The following TASOR2 variants were observed in gnomAD, a reference collection of about 807,000 sequenced individuals.
The protein encoded by TASOR2 is transcription activation suppressor family member 2.
TASOR2 carries 84 observed loss-of-function variants against 199.5 expected under a neutral mutation model. That is an observed-to-expected ratio of 0.42 (90% confidence interval 0.35 to 0.50). The LOEUF (loss-of-function observed/expected upper bound fraction) is 0.50. Ranked by LOEUF, TASOR2 falls within the 20% of genes least tolerant of loss-of-function variation. The pLI, the probability that TASOR2 is intolerant of heterozygous loss-of-function variation, is 0.02. For missense variants in TASOR2, 2,796 were observed against 2,835.9 expected (o/e 0.99, Z 0.32); for synonymous variants, 1,103 against 1,046.6 (o/e 1.05, Z -1.04).
chr10:5,747,749 C>T, exon 15 of TASOR2: 1 of 1,614,136 alleles, frequency 6.2e-7, no homozygotes, highest in East Asian at 2.2e-5. Context: ...CAATGTGAGT[C>T]AGAAGACTTA....
At position 5,730,469 on chromosome 10, in the gene TASOR2, C is replaced by T. The variant is rs45549643; in HGVS notation, c.488-18C>T. On this transcript the variant is annotated intron_variant, in intron 10 of 20. Coordinates refer to ENST00000328090, the Ensembl canonical transcript of TASOR2. This position sits in a 1 kb window ranked among gnomAD's most constrained non-coding sequence, Gnocchi z 4.1. ...AAAAATAAACTTCAGATGTTTAATA[C>T]GTGTGTATATATTCTAGGGGTGAAA... 0.11 allele frequency: 171,545 copies of T among 1,506,358 alleles called. 10,336 individuals are homozygous for T. The highest frequency in any genetic ancestry group is 0.15 in the East Asian group (6,830 of 44,170). The allele number at this position is 1,506,358 out of a possible 1,614,324, so 93.3% of individuals were successfully genotyped here. A position where few individuals can be genotyped will look rare whatever the true frequency, so the allele number is the denominator to read the frequency against.
At chr10:5,713,168 A>G (rs989746217) in intron 2 of TASOR2, among the ~76,000 whole-genome samples, 6 of 152,200 alleles carry the variant, frequency 3.9e-5, no homozygotes, top group Non-Finnish European at 5.9e-5. Flanking sequence ...TTTGGATTAA[A>G]ACAGTTTTCT....
In TASOR2 at chr10:5,685,662, G is replaced by C. The variant is rs892565234; in HGVS notation, c.-288+487G>C. Among the ~76,000 whole-genome samples, 1 of 152,210 alleles carries C rather than the reference G, an allele frequency of 6.6e-6. No homozygotes were observed. Among genetic ancestry groups the C allele is most frequent in the Non-Finnish European group, 1.5e-5 (1 of 68,046 alleles). On this transcript the variant is annotated intron_variant, in intron 1 of 20. Coordinates refer to ENST00000328090, the Ensembl canonical transcript of TASOR2. This position sits in a 1 kb window ranked among gnomAD's most constrained non-coding sequence, Gnocchi z 5.4. Reference sequence around the variant, plus strand: ...AGGGAGGGTCATTTCAGCAGCAAGCGCAAGCCGCGTTGGGATAACTTGGTG... The same window carrying C: ...AGGGAGGGTCATTTCAGCAGCAAGCCCAAGCCGCGTTGGGATAACTTGGTG...
chr10:5,759,038 G>C, intron 18 of TASOR2, 46 bp downstream of exon 19: 1 of 1,346,512 alleles, frequency 7.4e-7, no homozygotes, highest in Non-Finnish European at 1.1e-6. Context: ...TGCTGGGGTA[G>C]CAGAGAAACG....
intron 1 of TASOR2, among the ~76,000 whole-genome samples, chr10:5,708,322 T>C (rs976518911): frequency 1.3e-5 from 2 of 152,228 alleles, no homozygotes; most frequent in African/African-American, 4.8e-5. Context: ...GTTTCCTTTT[T>C]TGGCTTCCTC....
intron 14 of TASOR2, chr10:5,743,923 C>T (rs1407244974): frequency 1.3e-5 from 2 of 152,154 alleles, no homozygotes; most frequent in African/African-American, 2.4e-5. Context: ...ATCGCACTCC[C>T]TCCACCAGTT....
intron 19 of TASOR2, 52 bp from the exon 21 acceptor site, chr10:5,762,479 TA>T (rs1840012735): frequency 6.3e-6 from 3 of 477,988 alleles, no homozygotes; most frequent in Non-Finnish European, 1.0e-5. Flanking sequence ...TCCTGTTATA[TA>T]AAAGTACATT....
intron 11 of TASOR2, among the ~76,000 whole-genome samples, chr10:5,732,963 C>CTA (rs1237445368): frequency 2.0e-5 from 3 of 152,142 alleles, no homozygotes; most frequent in Non-Finnish European, 4.4e-5. Flanking sequence ...GTGCACCAGA[C>CTA]TATACAACTA....
intron 3 of TASOR2, among the ~76,000 whole-genome samples, 196 bp downstream of exon 4, chr10:5,717,946 A>T (rs986884910): frequency 5.9e-5 from 9 of 152,122 alleles, no homozygotes; most frequent in Admixed American, 5.9e-4. Flanking sequence ...CTTTTTTTTA[A>T]CTTCAAAAAT....
In TASOR2 at chr10:5,720,469, G is replaced by A; in HGVS notation, c.-99-75G>A. The stretch of plus-strand genomic sequence containing the variant: ...CTAATGTGTTAAATTTCAGGGCTCG[G>A]TGGGGTTGAGAAAAACTTGGTACAT... On this transcript the variant is annotated intron_variant, in intron 3 of 20. Coordinates refer to ENST00000328090, the Ensembl canonical transcript of TASOR2. The surrounding 1 kb of genome is among the most constrained non-coding windows in gnomAD (Gnocchi z 5.3). 1 of 1,434,492 alleles carries A rather than the reference G, an allele frequency of 7.0e-7. No homozygotes were observed. The highest frequency in any genetic ancestry group is 9.1e-7 in the Non-Finnish European group (1 of 1,099,274). The allele number at this position is 1,434,492 out of a possible 1,614,324, so 88.9% of individuals were successfully genotyped here. A position where few individuals can be genotyped will look rare whatever the true frequency, so the allele number is the denominator to read the frequency against.
chr10:5,690,575 G>T lies in TASOR2; in HGVS notation c.-288+5400G>T, dbSNP rs1324720485. On this transcript the variant is annotated intron_variant, in intron 1 of 20. Coordinates refer to ENST00000328090, the Ensembl canonical transcript of TASOR2. This position sits in a 1 kb window ranked among gnomAD's most constrained non-coding sequence, Gnocchi z 4.8. ...GCCATACATAGTTATCTTTATTCTG[G>T]CATAAATCAGATGTCACGTTCTCTT... is the stretch of plus-strand genomic sequence containing the variant. Among the ~76,000 whole-genome samples, 1 of 152,106 alleles carries T rather than the reference G, an allele frequency of 6.6e-6. No homozygotes were observed. Among genetic ancestry groups the T allele is most frequent in the Non-Finnish European group, 1.5e-5 (1 of 68,016 alleles).
At chr10:5,758,792 T>C in intron 17 of TASOR2, 95 bp from the exon 19 acceptor site, 1 of 898,258 alleles carries the variant, frequency 1.1e-6, no homozygotes, top group Non-Finnish European at 1.8e-6. Context: ...TAGTCTGTTT[T>C]TTTCTTGTTT....
chr10:5,753,789 CTCT>C (rs756963160), intron 15 of TASOR2, among the ~76,000 whole-genome samples: 2 of 152,328 alleles, frequency 1.3e-5, no homozygotes. Context: ...GGTCTTCACT[CTCT>C]TCAGTCTTTG....
intron 11 of TASOR2, among the ~76,000 whole-genome samples, chr10:5,733,945 T>C (rs917982547): frequency 1.8e-4 from 28 of 152,198 alleles, no homozygotes; most frequent in African/African-American, 6.8e-4. Flanking sequence ...ATTAAGATAT[T>C]CTGAAAACAT....
At chr10:5,721,019 T>C (rs1833292645) in intron 6 of TASOR2, 49 bp downstream of exon 7, 1 of 1,499,082 alleles carries the variant, frequency 6.7e-7, no homozygotes, top group East Asian at 2.3e-5. Flanking sequence ...TTACAAGTTT[T>C]GGGGTTTTTT....
chr10:5,751,061 T>A lies in TASOR2; in HGVS notation c.6606+1034T>A, dbSNP rs1837967727. Among the ~76,000 whole-genome samples, 1 of 152,246 alleles carries A rather than the reference T, an allele frequency of 6.6e-6. No homozygotes were observed. Among genetic ancestry groups the A allele is most frequent in the Non-Finnish European group, 1.5e-5 (1 of 68,046 alleles). On this transcript the variant is annotated intron_variant, in intron 15 of 20. Coordinates refer to ENST00000328090, the Ensembl canonical transcript of TASOR2. The surrounding 1 kb of genome is among the most constrained non-coding windows in gnomAD (Gnocchi z 5.3). ...CATTTTAGATGAGAATACTCAGATA[T>A]CATGTAGTGCTCTTGTCAGTGCATT...
Position 5,748,695 on chromosome 10 carries a change from A to G in TASOR2, c.5274A>G (p.Gln1758=). The change falls in exon 15 of 21, where the codon CAA becomes CAG. Residue 1758 remains glutamine, a synonymous_variant. Coordinates refer to ENST00000328090, the Ensembl canonical transcript of TASOR2. This position sits in a 1 kb window ranked among gnomAD's most constrained non-coding sequence, Gnocchi z 5.1. Reference sequence around the variant, plus strand: ...CCTCCCTTTGTGCTGGTCCCTACCAAAATACAGCAGACACCAAGGAAAACC... The same window carrying G: ...CCTCCCTTTGTGCTGGTCCCTACCAGAATACAGCAGACACCAAGGAAAACC... 6.2e-7 allele frequency: 1 copy of G among 1,614,218 alleles called. No individual in the cohort carries two copies. Among genetic ancestry groups the G allele is most frequent in the Non-Finnish European group, 8.5e-7 (1 of 1,180,042 alleles).
At position 5,745,779 on chromosome 10, in the gene TASOR2, GA is replaced by G. The variant is rs796333348; in HGVS notation, c.2758-388del. On this transcript the variant is annotated intron_variant, in intron 14 of 20. Coordinates refer to ENST00000328090, the Ensembl canonical transcript of TASOR2. Reference sequence around the variant, plus strand: ...GTTCGATAAAGCAAGACGCTGTCTTGAAAAAAAAAAAATTAATCTCATTTAT... The same window carrying G: ...GTTCGATAAAGCAAGACGCTGTCTTGAAAAAAAAAAATTAATCTCATTTAT... Among the ~76,000 whole-genome samples the G allele has an allele frequency of 4.3e-3, 616 of 144,322 alleles. 5 individuals carry two copies. The highest frequency in any genetic ancestry group is 0.016 in the East Asian group (81 of 4,998). The allele number at this position is 144,322 out of a possible 152,430, so 94.7% of individuals were successfully genotyped here. A position where few individuals can be genotyped will look rare whatever the true frequency, so the allele number is the denominator to read the frequency against.
chr10:5,737,561 C>G lies in TASOR2; in HGVS notation c.1447+2015C>G, dbSNP rs1349137293. On this transcript the variant is annotated intron_variant, in intron 12 of 20. Transcript: ENST00000328090. This position sits in a 1 kb window ranked among gnomAD's most constrained non-coding sequence, Gnocchi z 4.9. The stretch of plus-strand genomic sequence containing the variant: ...CCTCCCCCAGGCAACCTCTGCCCTT[C>G]AGGGGCCTGCAGCTAGATTTATCCC... Among the ~76,000 whole-genome samples the G allele has an allele frequency of 6.6e-6, 1 of 152,118 alleles. No individual in the cohort carries two copies. Among genetic ancestry groups the G allele is most frequent in the African/African-American group, 2.4e-5 (1 of 41,428 alleles).
Sources: allele counts gnomAD v4.1 joint callset (sites outside exome capture counted in the v4.1 genomes callset), GRCh38; gene constraint gnomAD v4.1.1; non-coding constraint Gnocchi (gnomAD v3.1); transcripts MANE v1.5; gene names NCBI Gene and HGNC (gene_info 2026-07-23, HGNC 2026-07-21).